The following NT5DC3 variants were observed in gnomAD, a reference collection of about 807,000 sequenced individuals.
The protein encoded by NT5DC3 is 5'-nucleotidase domain containing 3.
In NT5DC3, 42 loss-of-function variants were observed where a neutral mutation model predicts 67.8. That is an observed-to-expected ratio of 0.62 (90% confidence interval 0.48 to 0.80). The LOEUF is 0.80. Ranked by LOEUF, NT5DC3 falls within the 30% of genes least tolerant of loss-of-function variation. The pLI, the probability that NT5DC3 is intolerant of heterozygous loss-of-function variation, is 0.00. For missense variants in NT5DC3, 570 were observed against 696.4 expected (o/e 0.82, Z 2.04); for synonymous variants, 237 against 255.6 (o/e 0.93, Z 0.69).
At chr12:103,797,147 A>C in intron 5 of NT5DC3, 116 bp from the exon 6 acceptor site, 1 of 1,107,422 alleles carries the variant, frequency 9.0e-7, no homozygotes, top group Admixed American at 2.2e-5. Context: ...TCCCATCATC[A>C]ACACAAAAAA....
intron 9 of NT5DC3, chr12:103,789,150 G>A (rs534390557): frequency 1.9e-5 from 9 of 472,362 alleles, no homozygotes; most frequent in African/African-American, 7.7e-5. Context: ...GGGGCTGGGC[G>A]CAGTAGCTCA....
At chr12:103,749,959 T>C in the NT5DC3 span, among the ~76,000 whole-genome samples, 1 of 151,810 alleles carries the variant, frequency 6.6e-6, no homozygotes, top group Non-Finnish European at 1.5e-5. Context: ...TAGAGTCAGA[T>C]TGCTTTTGCA....
At chr12:103,836,234 A>G (rs1032102799) in intron 1 of NT5DC3, among the ~76,000 whole-genome samples, 4 of 152,182 alleles carry the variant, frequency 2.6e-5, no homozygotes, top group African/African-American at 9.7e-5. Flanking sequence ...TGCCTTCCCA[A>G]CAGTACCCCA....
intron 1 of NT5DC3, among the ~76,000 whole-genome samples, chr12:103,825,085 G>A (rs993936188): frequency 2.6e-5 from 4 of 152,308 alleles, no homozygotes; most frequent in Non-Finnish European, 5.9e-5. Flanking sequence ...GCCCCCCCGG[G>A]AAGAGGCAAT....
rs556973762 is a variant in NT5DC3 at position 103,825,061 on chromosome 12, A to G, written c.209-9940T>C. ...CTGATGCAAGACAGAGGAACTTGGC[A>G]TGGGGCTGGGCATGCCCCCCCGGGA... On this transcript the variant is annotated intron_variant, in intron 1 of 13. Coordinates refer to ENST00000392876, the MANE Select transcript of NT5DC3 (RefSeq NM_001031701.3). Among the ~76,000 whole-genome samples the G allele has an allele frequency of 1.7e-3, 264 of 151,170 alleles. 1 individual carries two copies. The highest frequency in any genetic ancestry group is 5.9e-3 in the African/African-American group (247 of 41,538).
chr12:103,809,972 T>G (rs1364624112), intron 2 of NT5DC3, among the ~76,000 whole-genome samples: 1 of 152,176 alleles, frequency 6.6e-6, no homozygotes, highest in Non-Finnish European at 1.5e-5. Flanking sequence ...GGTTTTCTCA[T>G]CTACAAAGAA....
chr12:103,760,998 G>A, the NT5DC3 span, among the ~76,000 whole-genome samples: 18 of 51,848 alleles, frequency 3.5e-4, no homozygotes, highest in African/African-American at 2.0e-3. Context: ...CAGGCATGGG[G>A]TTTGCTACTT....
the NT5DC3 span, chr12:103,758,147 G>A: frequency 1.2e-6 from 2 of 1,613,724 alleles, no homozygotes; most frequent in Non-Finnish European, 1.7e-6. Context: ...TGGCCCCTCT[G>A]ATGACTTCCT....
chr12:103,753,400 C>A, the NT5DC3 span: 180,239 of 1,612,190 alleles, frequency 0.11, 12,989 homozygotes, highest in African/African-American at 0.27. Flanking sequence ...TCTGCAGGGG[C>A]GGAAGTGCAG....
At chr12:103,790,848 C>T (rs1435734008) in intron 9 of NT5DC3, among the ~76,000 whole-genome samples, 1 of 151,728 alleles carries the variant, frequency 6.6e-6, no homozygotes, top group Non-Finnish European at 1.5e-5. Context: ...CACCACCATG[C>T]CGGGCTAATT....
the NT5DC3 span, chr12:103,761,213 G>A: frequency 3.2e-6 from 4 of 1,241,200 alleles, no homozygotes; most frequent in South Asian, 1.3e-5. Context: ...TGGGCTCAGG[G>A]GCCTTGGGAA....
At chr12:103,781,345 G>C (rs1340290616) in intron 12 of NT5DC3, among the ~76,000 whole-genome samples, 1 of 152,226 alleles carries the variant, frequency 6.6e-6, no homozygotes, top group African/African-American at 2.4e-5. Context: ...TCTGAACCCT[G>C]AGGCTGTTGA....
chr12:103,749,192 C>A, the NT5DC3 span: 3 of 1,562,348 alleles, frequency 1.9e-6, no homozygotes, highest in South Asian at 1.2e-5. Context: ...TTGGGAGCAG[C>A]GCCGTGGGCT....
Position 103,772,711 on chromosome 12 carries a change from T to C in NT5DC3, c.*5118A>G, listed in dbSNP as rs1452130397. 1 of 152,490 alleles carries C rather than the reference T, an allele frequency of 6.6e-6. No homozygotes were observed. The highest frequency in any genetic ancestry group is 2.4e-5 in the African/African-American group (1 of 41,558). The allele number at this position is 152,490 out of a possible 1,614,324, so 9.4% of individuals were successfully genotyped here. ...CCCACAAGGGGCTCTGGAGCTGGGA[T>C]GGCCCCAGAGGGTTTCCCAAGTTGG... On this transcript the variant is annotated 3_prime_UTR_variant, in exon 14 of 14. Transcript: ENST00000392876.
At chr12:103,753,248 C>T in the NT5DC3 span, 2 of 1,614,242 alleles carry the variant, frequency 1.2e-6, no homozygotes, top group Non-Finnish European at 8.5e-7. Context: ...TCCATCTACG[C>T]TCCCCACTGG....
downstream of NT5DC3, among the ~76,000 whole-genome samples, chr12:103,767,390 T>G (rs1230222028): frequency 6.6e-6 from 1 of 152,086 alleles, no homozygotes; most frequent in Non-Finnish European, 1.5e-5. Context: ...AGACAGAAAG[T>G]AGGTTGATTG....
chr12:103,830,164 T>C (rs1426869244), intron 1 of NT5DC3, among the ~76,000 whole-genome samples: 1 of 152,234 alleles, frequency 6.6e-6, no homozygotes, highest in Non-Finnish European at 1.5e-5. Flanking sequence ...GAGACAGGTA[T>C]TATTGTTAGC....
At chr12:103,801,998 C>A (rs556157397) in intron 4 of NT5DC3, 1 of 152,268 alleles carries the variant, frequency 6.6e-6, no homozygotes, top group Non-Finnish European at 1.5e-5. Context: ...AGACCACACA[C>A]GTGTGAGCCA....
chr12:103,831,546 A>C (rs897028607), intron 1 of NT5DC3, among the ~76,000 whole-genome samples: 1 of 152,128 alleles, frequency 6.6e-6, no homozygotes, highest in Non-Finnish European at 1.5e-5. Context: ...CACAGAAAAA[A>C]TATCTAGAGC....
Sources: gnomAD v4.1 joint callset for allele counts (sites outside exome capture counted in the v4.1 genomes callset) on GRCh38, gnomAD v4.1.1 for gene constraint, MANE v1.5 for transcripts, NCBI Gene and HGNC (gene_info 2026-07-23, HGNC 2026-07-21) for gene names.